The following MAP3K20 variants were observed in gnomAD, a reference collection of about 807,000 sequenced individuals.
The protein encoded by MAP3K20 is HCCS-4.
In MAP3K20, 40 loss-of-function variants were observed where a neutral mutation model predicts 85.7. The ratio of observed to expected loss-of-function variants is 0.47; its 90% CI spans 0.36 to 0.61. The LOEUF is 0.61. MAP3K20 is among the 20% of genes least tolerant of loss of function. MAP3K20 has a pLI of 0.00. For synonymous variants in MAP3K20, 325 were observed against 327.7 expected (o/e 0.99, Z 0.09); for missense variants, 817 against 961.7 (o/e 0.85, Z 1.99).
intron 2 of MAP3K20, among the ~76,000 whole-genome samples, chr2:173,099,981 T>C (rs574179148): frequency 6.6e-6 from 1 of 152,376 alleles, no homozygotes; most frequent in Admixed American, 6.5e-5. Flanking sequence ...TCTTCACAAC[T>C]GTACCCCACA....
chr2:173,249,283 G>GTACT (rs1267055064), intron 16 of MAP3K20, among the ~76,000 whole-genome samples: 6 of 152,192 alleles, frequency 3.9e-5, no homozygotes, highest in African/African-American at 1.4e-4. Context: ...AGAGACCTCA[G>GTACT]TACTCACAGT....
intron 2 of MAP3K20, among the ~76,000 whole-genome samples, chr2:173,168,123 C>G (rs575580104): frequency 7.5e-6 from 1 of 133,446 alleles, no homozygotes; most frequent in Non-Finnish European, 1.7e-5. Flanking sequence ...AATAAATAAA[C>G]TTTATTATTA....
At chr2:173,194,068 G>A (rs137980770) in intron 7 of MAP3K20, among the ~76,000 whole-genome samples, 167 of 152,216 alleles carry the variant, frequency 1.1e-3, no homozygotes, top group African/African-American at 3.9e-3. Context: ...CTTACCTGGT[G>A]GAAACAGAAA....
At chr2:173,249,510 C>T (rs896096536) in intron 16 of MAP3K20, among the ~76,000 whole-genome samples, 2 of 152,106 alleles carry the variant, frequency 1.3e-5, no homozygotes, top group African/African-American at 2.4e-5. Flanking sequence ...CATATTTCTT[C>T]GAGTCACCCC....
At chr2:173,257,821 A>T (rs1685195210) in intron 16 of MAP3K20, among the ~76,000 whole-genome samples, 1 of 152,170 alleles carries the variant, frequency 6.6e-6, no homozygotes, top group Non-Finnish European at 1.5e-5. Flanking sequence ...CTTAGCCAAC[A>T]TTTGATGTTA....
At chr2:173,145,366 A>G (rs771982198) in intron 2 of MAP3K20, among the ~76,000 whole-genome samples, 9 of 152,242 alleles carry the variant, frequency 5.9e-5, no homozygotes, top group Non-Finnish European at 8.8e-5. Flanking sequence ...CATGTTTATA[A>G]TGAGATATAT....
At chr2:173,203,085 T>C (rs890274915) in intron 8 of MAP3K20, among the ~76,000 whole-genome samples, 13 of 152,296 alleles carry the variant, frequency 8.5e-5, no homozygotes, top group African/African-American at 3.1e-4. Context: ...TATTGAATTG[T>C]CTAGCATTCC....
intron 2 of MAP3K20, among the ~76,000 whole-genome samples, chr2:173,106,585 C>A (rs1372401131): frequency 6.6e-6 from 1 of 152,132 alleles, no homozygotes; most frequent in African/African-American, 2.4e-5. Context: ...TCAACAGTTG[C>A]AAGGGTGGAG....
chr2:173,253,570 T>C (rs1685090257), intron 16 of MAP3K20, among the ~76,000 whole-genome samples: 1 of 152,120 alleles, frequency 6.6e-6, no homozygotes, highest in African/African-American at 2.4e-5. Context: ...AACACCTTAA[T>C]AAGAGGAGTG....
chr2:173,205,565 C>G (rs775582996), intron 9 of MAP3K20, among the ~76,000 whole-genome samples: 26 of 152,114 alleles, frequency 1.7e-4, no homozygotes, highest in Non-Finnish European at 3.2e-4. Context: ...GAAGCCTGTT[C>G]ACTCCACGTG....
intron 18 of MAP3K20, 33 bp from the exon 19 acceptor site, chr2:173,263,712 T>C (rs1380696417): frequency 2.5e-6 from 4 of 1,593,454 alleles, no homozygotes; most frequent in Non-Finnish European, 1.7e-6. Context: ...TATTTGTCTT[T>C]TTTTTGTCTT....
chr2:173,190,971 A>G (rs763901477), intron 6 of MAP3K20, 48 bp downstream of exon 6: 90 of 1,608,502 alleles, frequency 5.6e-5, no homozygotes, highest in Non-Finnish European at 7.4e-5. Flanking sequence ...TCAGATGTAG[A>G]TTTTTGTAAC....
chr2:173,265,717 G>A (rs1303016322), intron 19 of MAP3K20, among the ~76,000 whole-genome samples: 2 of 152,104 alleles, frequency 1.3e-5, no homozygotes, highest in Admixed American at 1.3e-4. Context: ...GAGTGATCTT[G>A]GGCAAGTCAT....
At position 173,222,469 on chromosome 2, in the gene MAP3K20, G is replaced by A. The variant is rs878913335; in HGVS notation, c.987+5219G>A. 15 of 985,700 alleles carry A rather than the reference G, an allele frequency of 1.5e-5. No homozygotes were observed. The South Asian group carries it at 4.2e-4, about 28-fold the overall frequency. 61.1% of individuals were successfully genotyped at this position (985,700 alleles called of 1,614,324 possible). On this transcript the variant is annotated intron_variant, in intron 11 of 19. Coordinates refer to ENST00000375213, the MANE Select transcript of MAP3K20 (RefSeq NM_016653.3). ...CATGGAAGCCTCTTAACAACACACTGTCATTTAAGGCTGTGCTTGTGCTTT... is the reference window on the plus strand; with the variant it reads ...CATGGAAGCCTCTTAACAACACACTATCATTTAAGGCTGTGCTTGTGCTTT...
chr2:173,233,587 G>A (rs1684577615), intron 14 of MAP3K20, among the ~76,000 whole-genome samples: 1 of 152,110 alleles, frequency 6.6e-6, no homozygotes, highest in Non-Finnish European at 1.5e-5. Flanking sequence ...TTCCAGTGTG[G>A]GTAGATGGAC....
intron 8 of MAP3K20, among the ~76,000 whole-genome samples, chr2:173,203,289 T>TAATC (rs1197583629): frequency 1.3e-5 from 2 of 152,190 alleles, no homozygotes; most frequent in African/African-American, 2.4e-5. Flanking sequence ...AACAAAGCCG[T>TAATC]AATCAGTCAT....
intron 15 of MAP3K20, among the ~76,000 whole-genome samples, 177 bp from the exon 16 acceptor site, chr2:173,239,227 C>G (rs753077766): frequency 6.6e-6 from 1 of 150,890 alleles, no homozygotes; most frequent in African/African-American, 2.4e-5. Context: ...TCCTGAAAGG[C>G]ATAATATGTC....
At chr2:173,133,636 G>A (rs1047298363) in intron 2 of MAP3K20, among the ~76,000 whole-genome samples, 1 of 152,106 alleles carries the variant, frequency 6.6e-6, no homozygotes, top group African/African-American at 2.4e-5. Context: ...AAAATGACGT[G>A]GTGGGCTTGT....
intron 10 of MAP3K20, chr2:173,214,424 G>GTGTC (rs1303947121): frequency 2.6e-5 from 4 of 152,312 alleles, no homozygotes; most frequent in African/African-American, 9.6e-5. Flanking sequence ...GTTCCGATCT[G>GTGTC]TGTCTCTTGG....
Sources: gnomAD v4.1 joint callset for allele counts (sites outside exome capture counted in the v4.1 genomes callset) on GRCh38, gnomAD v4.1.1 for gene constraint, MANE v1.5 for transcripts, NCBI Gene and HGNC (gene_info 2026-07-23, HGNC 2026-07-21) for gene names.